SYNE2: variants seen among roughly 807,000 people sequenced by gnomAD.
SYNE2 encodes the protein spectrin repeat containing nuclear envelope protein 2.
In SYNE2, 431 loss-of-function variants were observed where a neutral mutation model predicts 856.3. That is an observed-to-expected ratio of 0.50 (90% confidence interval 0.47 to 0.55). The LOEUF (loss-of-function observed/expected upper bound fraction) is 0.55, where lower values mean the gene tolerates loss of function less well. Ranked by LOEUF, SYNE2 falls within the 20% of genes least tolerant of loss-of-function variation. The probability of loss-of-function intolerance (pLI) is 0.00; values close to 1 mark genes in which losing one functional copy is unlikely to be tolerated. For synonymous variants in SYNE2, 2,923 were observed against 2,872.3 expected, an observed-to-expected ratio of 1.02 and a Z score of -0.56; for missense variants, 8,129 against 8,023.2, an observed-to-expected ratio of 1.01 and a Z score of -0.50.
chr14:64,192,761 G>T (rs2098524178), intron 99 of SYNE2, among the ~76,000 whole-genome samples: 1 of 152,146 alleles, frequency 6.6e-6, no homozygotes, highest in African/African-American at 2.4e-5. Context: ...ACGTAACCAG[G>T]ATTTCAACTT....
chr14:64,045,186 G>A (rs367840769), intron 45 of SYNE2, among the ~76,000 whole-genome samples: 4 of 152,252 alleles, frequency 2.6e-5, no homozygotes, highest in South Asian at 2.1e-4. Flanking sequence ...AGCTAGAAAC[G>A]TGGCTTTGGG....
At chr14:64,223,517 T>G in intron 113 of SYNE2, 137 bp downstream of exon 113, 1 of 848,442 alleles carries the variant, frequency 1.2e-6, no homozygotes, top group South Asian at 1.5e-5. Flanking sequence ...TGTCGTGCCC[T>G]TTTTCTAGCT....
intron 1 of SYNE2, among the ~76,000 whole-genome samples, chr14:63,796,088 A>G (rs1384477725): frequency 2.0e-5 from 3 of 152,212 alleles, no homozygotes; most frequent in Non-Finnish European, 4.4e-5. Flanking sequence ...GCAGCTAATA[A>G]GTAGCAAGCC....
intron 6 of SYNE2, among the ~76,000 whole-genome samples, chr14:63,948,883 A>C (rs1385816169): frequency 1.4e-5 from 2 of 145,354 alleles, no homozygotes; most frequent in African/African-American, 2.5e-5. Context: ...GCTGACTAGA[A>C]TTTCAGTGTG....
intron 1 of SYNE2, among the ~76,000 whole-genome samples, chr14:63,814,470 A>G (rs1888758055): frequency 7.0e-6 from 1 of 142,400 alleles, no homozygotes; most frequent in African/African-American, 2.6e-5. Context: ...TATATATCAT[A>G]TATAATATAT....
intron 113 of SYNE2, among the ~76,000 whole-genome samples, chr14:64,224,115 C>T (rs1308817948): frequency 7.0e-6 from 1 of 142,932 alleles, no homozygotes; most frequent in Admixed American, 7.4e-5. Flanking sequence ...GAGGCCAAGG[C>T]AGGTGGATCA....
At chr14:64,116,129 C>T (rs111820410) in intron 66 of SYNE2, among the ~76,000 whole-genome samples, 6,015 of 150,722 alleles carry the variant, frequency 0.04, 147 homozygotes, top group African/African-American at 0.046. Flanking sequence ...TATGATTGCA[C>T]CACTGCATTC....
chr14:64,126,602 T>A lies in SYNE2; in HGVS notation c.13712T>A (p.Leu4571Gln), dbSNP rs1471431019. Residue 4571 changes from leucine (L) to glutamine (Q), a missense_variant, in exon 73 of 116, where the codon CTG becomes CAG. Coordinates refer to ENST00000555002, the MANE Select transcript of SYNE2 (RefSeq NM_182914.3). ...CTTCCTTCCTCTCCACTCCAGACGCTGGCTCTTGAGTTGAAGAAACTTTAT... is the reference window on the plus strand; with the variant it reads ...CTTCCTTCCTCTCCACTCCAGACGCAGGCTCTTGAGTTGAAGAAACTTTAT... ...GSGQQVHYET[L>Q]ALELKKLYLA... 8 of 1,614,236 alleles carry A rather than the reference T, an allele frequency of 5.0e-6. No homozygotes were observed. Among genetic ancestry groups the A allele is most frequent in the Non-Finnish European group, 6.8e-6 (8 of 1,180,030 alleles).
intron 97 of SYNE2, among the ~76,000 whole-genome samples, chr14:64,187,478 A>C (rs2098497910): frequency 6.6e-6 from 1 of 152,258 alleles, no homozygotes; most frequent in Non-Finnish European, 1.5e-5. Flanking sequence ...TGTTACTATT[A>C]TGAAATCAAT....
chr14:63,771,149 A>G (rs977936098), intron 1 of SYNE2, among the ~76,000 whole-genome samples: 4 of 144,780 alleles, frequency 2.8e-5, no homozygotes, highest in Non-Finnish European at 3.0e-5. Flanking sequence ...GGCTCACTGC[A>G]AGCTCCGCCT....
rs565642235 is a variant in SYNE2 at position 64,144,178 on chromosome 14, G to C, written c.15483+230G>C. The stretch of plus-strand genomic sequence containing the variant: ...CTTAGTGGGAAATTGAGCTAGGCAA[G>C]TGAAGATGAGGAATTTTATTTAGGA... On this transcript the variant is annotated intron_variant, in intron 83 of 115. Transcript: ENST00000555002. Among the ~76,000 whole-genome samples the C allele has an allele frequency of 1.7e-3, 257 of 152,284 alleles. 1 individual carries two copies. Among genetic ancestry groups the C allele is most frequent in the African/African-American group, 5.9e-3 (245 of 41,552 alleles).
At chr14:63,777,661 C>T (rs1266684398) in intron 1 of SYNE2, among the ~76,000 whole-genome samples, 2 of 152,030 alleles carry the variant, frequency 1.3e-5, no homozygotes, top group Non-Finnish European at 2.9e-5. Context: ...TCAACATTCC[C>T]ACATACAATA....
chr14:64,108,399 A>G (rs1372995578), intron 65 of SYNE2, among the ~76,000 whole-genome samples: 1 of 152,138 alleles, frequency 6.6e-6, no homozygotes, highest in Non-Finnish European at 1.5e-5. Context: ...GAATGGAGGA[A>G]TAAGGAATCA....
chr14:63,968,623 C>T (rs1311757734), intron 11 of SYNE2, among the ~76,000 whole-genome samples: 1 of 152,046 alleles, frequency 6.6e-6, no homozygotes, highest in Non-Finnish European at 1.5e-5. Context: ...TAACTTTGTG[C>T]ACTTGAAAAG....
chr14:63,979,093 C>A, intron 14 of SYNE2, 79 bp downstream of exon 14: 2 of 1,426,800 alleles, frequency 1.4e-6, no homozygotes, highest in Non-Finnish European at 2.0e-6. Flanking sequence ...GGCATGATTT[C>A]CCATTAACTC....
At chr14:64,142,404 C>T (rs2098145724) in intron 82 of SYNE2, among the ~76,000 whole-genome samples, 1 of 152,156 alleles carries the variant, frequency 6.6e-6, no homozygotes, top group Admixed American at 6.5e-5. Context: ...GATTCCTTAA[C>T]TGTTCTTGGT....
intron 51 of SYNE2, among the ~76,000 whole-genome samples, chr14:64,069,398 T>C (rs1181934033): frequency 1.3e-5 from 2 of 152,222 alleles, no homozygotes; most frequent in South Asian, 2.1e-4. Context: ...GAAGCACCCA[T>C]TGCGCACACC....
chr14:64,075,886 T>C (rs2097454474), intron 53 of SYNE2, 59 bp from the exon 54 acceptor site: 2 of 1,596,972 alleles, frequency 1.3e-6, no homozygotes, highest in African/African-American at 2.7e-5. Flanking sequence ...GCTTTCACTT[T>C]TTAGAATTAA....
chr14:64,212,932 A>C lies in SYNE2; in HGVS notation c.18983A>C (p.Glu6328Ala). Reference sequence around the variant, plus strand: ...GTGCTGATTGAGGATGAGCTGGAGGAACTCCACCGCTACTGCCAGGAGGTG... The same window carrying C: ...GTGCTGATTGAGGATGAGCTGGAGGCACTCCACCGCTACTGCCAGGAGGTG... ...DAVLIEDELEELHRYCQEVFG... is the reference protein window; with the variant it reads ...DAVLIEDELEALHRYCQEVFG... The change falls in exon 105 of 116, where the codon GAA becomes GCA. Residue 6328 changes from glutamate (E) to alanine (A), a missense_variant. Glu to Ala is a moderately radical substitution (Grantham distance 107, BLOSUM62 -1). Around this residue, in one of 3 missense-constraint regions of SYNE2, gnomAD observed 5,410 missense variants for 5,284.8 expected, o/e 1.02. Coordinates refer to ENST00000555002, the MANE Select transcript of SYNE2 (RefSeq NM_182914.3). 6.2e-7 allele frequency: 1 copy of C among 1,614,170 alleles called. No individual in the cohort carries two copies. Among genetic ancestry groups the C allele is most frequent in the Non-Finnish European group, 8.5e-7 (1 of 1,180,036 alleles).
Sources: allele counts gnomAD v4.1 joint callset (sites outside exome capture counted in the v4.1 genomes callset), GRCh38; gene constraint gnomAD v4.1.1; regional missense constraint gnomAD v4.1.1; transcripts MANE v1.5; gene names NCBI Gene and HGNC (gene_info 2026-07-23, HGNC 2026-07-21).